The following KDM5A variants were observed in gnomAD, a reference collection of about 807,000 sequenced individuals.
The protein encoded by KDM5A is lysine-specific demethylase 5A.
A neutral mutation model predicts 193.5 loss-of-function variants in KDM5A; 42 were observed. That is an observed-to-expected ratio of 0.22 (90% CI 0.17 to 0.28). The LOEUF is 0.28. KDM5A is among the 10% of genes least tolerant of loss of function. The pLI, the probability that KDM5A is intolerant of heterozygous loss-of-function variation, is 1.00. For synonymous variants in KDM5A, 796 were observed against 718.1 expected, an observed-to-expected ratio of 1.11 and a Z score of -1.73; for missense variants, 1,692 against 2,055.1, an observed-to-expected ratio of 0.82 and a Z score of 3.42.
At chr12:348,317 T>A (rs926793578) in intron 10 of KDM5A, among the ~76,000 whole-genome samples, 1 of 152,242 alleles carries the variant, frequency 6.6e-6, no homozygotes, top group Non-Finnish European at 1.5e-5. Context: ...TTGGTGGGAC[T>A]GTACACTAGT....
chr12:290,465 C>T (rs1421766730), intron 27 of KDM5A, among the ~76,000 whole-genome samples: 1 of 152,178 alleles, frequency 6.6e-6, no homozygotes, highest in African/African-American at 2.4e-5. Flanking sequence ...TTTCTCTGAG[C>T]ACTCAGCCAA....
intron 3 of KDM5A, among the ~76,000 whole-genome samples, chr12:367,416 G>T (rs1212537021): frequency 6.6e-6 from 1 of 152,112 alleles, no homozygotes; most frequent in African/African-American, 2.4e-5. Flanking sequence ...AGCTGGGCAG[G>T]TTGGGCAGGG....
intron 14 of KDM5A, 110 bp from the exon 15 acceptor site, chr12:323,891 A>G (rs1943752193): frequency 2.3e-6 from 2 of 853,118 alleles, no homozygotes; most frequent in African/African-American, 1.7e-5. Context: ...TAAAGGTATA[A>G]ACATGAAAGG....
At chr12:348,371 G>T (rs1466289507) in intron 10 of KDM5A, among the ~76,000 whole-genome samples, 1 of 152,182 alleles carries the variant, frequency 6.6e-6, no homozygotes, top group South Asian at 2.1e-4. Context: ...TAAGGATCTA[G>T]AAGTAGAAAT....
At chr12:374,638 C>T (rs911520208) in intron 3 of KDM5A, among the ~76,000 whole-genome samples, 3 of 152,138 alleles carry the variant, frequency 2.0e-5, no homozygotes, top group East Asian at 3.8e-4. Context: ...GATTATTTTG[C>T]TCGTTAGTTG....
rs1343478508 is a variant in KDM5A, at chr12:283,603, CTG to C, written c.*1851_*1852del. 1 of 233,024 alleles carries C rather than the reference CTG, an allele frequency of 4.3e-6. No individual in the cohort carries two copies. 14.4% of individuals were successfully genotyped at this position (233,024 alleles called of 1,614,324 possible). A position where few individuals can be genotyped will look rare whatever the true frequency, so the allele number is the denominator to read the frequency against. On this transcript the variant is annotated 3_prime_UTR_variant, in exon 28 of 28. Transcript: ENST00000399788. ...AATCTCATACCCACTCAAACTGTAA[CTG>C]GACAGTACATTTCACTTCTAGTTAC...
At chr12:345,916 C>T (rs1418001240) in intron 10 of KDM5A, among the ~76,000 whole-genome samples, 2 of 152,028 alleles carry the variant, frequency 1.3e-5, no homozygotes, top group Non-Finnish European at 2.9e-5. Context: ...TAACTAAGAT[C>T]AGAGCAGAAC....
chr12:389,007 A>G lies in KDM5A; in HGVS notation c.85T>C (p.Phe29Leu), dbSNP rs2137507901. Residue 29 changes from phenylalanine to leucine, a missense_variant, in exon 1 of 28, where the codon TTC (phenylalanine) becomes CTC (leucine). By Grantham distance (22) the Phe-to-Leu change is conservative. This residue lies in a region of KDM5A where 84 missense variants were observed against 68.2 expected (regional missense o/e 1.23). Transcript: ENST00000399788. Reference protein sequence around the residue: ...CPVFEPSWEEFTDPLSFIGRI... With the variant: ...CPVFEPSWEELTDPLSFIGRI... ...CCGATAAAGCTGAGCGGATCTGTGA[A>G]CTCCTCCCAACTCGGCTCAAAGACG... The G allele has an allele frequency of 6.2e-7, 1 of 1,608,882 alleles. No individual in the cohort carries two copies. Among genetic ancestry groups the G allele is most frequent in the Non-Finnish European group, 8.5e-7 (1 of 1,179,056 alleles).
In KDM5A at chr12:310,973, A is replaced by C. The variant is rs758773085; in HGVS notation, c.3128T>G (p.Val1043Gly). 1 of 1,614,150 alleles carries C rather than the reference A, an allele frequency of 6.2e-7. No individual in the cohort carries two copies. Among genetic ancestry groups the C allele is most frequent in the South Asian group, 1.1e-5 (1 of 91,082 alleles). ...CCGTGCTGCTGCTACCTGTGATTCC[A>C]CTTGCGGCAGTGCTTCAAGACGCAC... is the stretch of plus-strand genomic sequence containing the variant. ...IPVRLEALPQ[V>G]ESQVAAARAW... The change falls in exon 21 of 28, where the codon GTG (valine) becomes GGG (glycine). Residue 1043 changes from valine (V) to glycine (G), a missense_variant. By Grantham distance (109) the Val-to-Gly change is moderately radical (BLOSUM62 -3). Coordinates refer to ENST00000399788, the MANE Select transcript of KDM5A (RefSeq NM_001042603.3).
At chr12:350,828 A>G in intron 9 of KDM5A, 49 bp from the exon 10 acceptor site, 2 of 1,496,966 alleles carry the variant, frequency 1.3e-6, no homozygotes, top group Non-Finnish European at 9.3e-7. Context: ...CTATAACTAT[A>G]ACCCATATAA....
intron 26 of KDM5A, among the ~76,000 whole-genome samples, chr12:293,674 G>A (rs1198443899): frequency 6.6e-6 from 1 of 151,340 alleles, no homozygotes; most frequent in African/African-American, 2.4e-5. Context: ...AGCTACTTGG[G>A]AGGCTGAGGC....
chr12:361,120 G>A (rs574210904), intron 5 of KDM5A, among the ~76,000 whole-genome samples: 59 of 152,056 alleles, frequency 3.9e-4, no homozygotes, highest in Non-Finnish European at 6.9e-4. Flanking sequence ...TTCAAATCCT[G>A]AAATAGTTTA....
At chr12:359,370 C>T (rs1460825068) in intron 5 of KDM5A, among the ~76,000 whole-genome samples, 2 of 152,138 alleles carry the variant, frequency 1.3e-5, no homozygotes, top group East Asian at 3.9e-4. Context: ...AAACTTCAGA[C>T]ATAATAGCAG....
intron 3 of KDM5A, among the ~76,000 whole-genome samples, chr12:374,570 TACA>T (rs1944476146): frequency 6.6e-6 from 1 of 152,240 alleles, no homozygotes. Context: ...TTAGCCCATT[TACA>T]TTTAAGGTTA....
intron 3 of KDM5A, among the ~76,000 whole-genome samples, chr12:374,901 GC>G (rs1274685867): frequency 6.6e-6 from 1 of 151,974 alleles, no homozygotes; most frequent in Non-Finnish European, 1.5e-5. Context: ...TTGAACATTG[GC>G]CCCCACTCTC....
intron 10 of KDM5A, among the ~76,000 whole-genome samples, chr12:343,144 C>A (rs1295770634): frequency 6.6e-6 from 1 of 152,218 alleles, no homozygotes; most frequent in Non-Finnish European, 1.5e-5. Flanking sequence ...CTCCGCAGGT[C>A]CCACACCCAC....
intron 14 of KDM5A, among the ~76,000 whole-genome samples, chr12:325,620 G>C (rs1027768609): frequency 2.6e-5 from 4 of 152,216 alleles, no homozygotes; most frequent in Non-Finnish European, 5.9e-5. Flanking sequence ...CTGCAGGTGA[G>C]CCAAGATCGT....
chr12:321,771 A>C (rs1455366246), intron 17 of KDM5A, among the ~76,000 whole-genome samples: 1 of 152,168 alleles, frequency 6.6e-6, no homozygotes, highest in African/African-American at 2.4e-5. Context: ...GCATCCATCA[A>C]GGTTACCCTT....
At chr12:379,597 A>G (rs1283116026) in intron 3 of KDM5A, among the ~76,000 whole-genome samples, 1 of 152,224 alleles carries the variant, frequency 6.6e-6, no homozygotes, top group Non-Finnish European at 1.5e-5. Flanking sequence ...TAGGGAACAA[A>G]GTATTATAAA....
Sources: gnomAD v4.1 joint callset for allele counts (sites outside exome capture counted in the v4.1 genomes callset) on GRCh38, gnomAD v4.1.1 for gene constraint, gnomAD v4.1.1 regional missense constraint, MANE v1.5 for transcripts, NCBI Gene and HGNC (gene_info 2026-07-23, HGNC 2026-07-21) for gene names.